The following DUSP4 variants were observed in gnomAD, a reference collection of about 807,000 sequenced individuals.
The protein encoded by DUSP4 is dual specificity protein phosphatase 4.
A neutral mutation model predicts 27.2 loss-of-function variants in DUSP4; 12 were observed. That is an observed-to-expected ratio of 0.44 (90% confidence interval 0.28 to 0.71). The LOEUF (loss-of-function observed/expected upper bound fraction) is 0.71, where lower values mean the gene tolerates loss of function less well. Among genes scored for constraint, DUSP4 ranks in the 30% least tolerant of loss-of-function variants. The pLI, the probability that DUSP4 is intolerant of heterozygous loss-of-function variation, is 0.14. For synonymous variants in DUSP4, 257 were observed against 245.2 expected, an observed-to-expected ratio of 1.05 and a Z score of -0.45; for missense variants, 448 against 551.3, an observed-to-expected ratio of 0.81 and a Z score of 1.88.
chr8:29,347,207 G>A (rs1817748309), intron 1 of DUSP4, among the ~76,000 whole-genome samples: 1 of 152,136 alleles, frequency 6.6e-6, no homozygotes, highest in Non-Finnish European at 1.5e-5. Flanking sequence ...AACCACATTT[G>A]CTCCACTGCA....
intron 1 of DUSP4, among the ~76,000 whole-genome samples, chr8:29,341,527 C>A (rs1004997141): frequency 6.6e-6 from 1 of 152,216 alleles, no homozygotes; most frequent in Non-Finnish European, 1.5e-5. Context: ...CCCCTCCTCT[C>A]CCTCCCTCAG....
At chr8:29,345,404 T>C (rs1422791541) in intron 1 of DUSP4, 8 of 1,613,818 alleles carry the variant, frequency 5.0e-6, no homozygotes, top group Non-Finnish European at 6.8e-6. Flanking sequence ...TGGACCTTCC[T>C]GCCAGCTGGC....
intron 1 of DUSP4, among the ~76,000 whole-genome samples, chr8:29,340,976 G>A (rs1200662972): frequency 6.6e-6 from 1 of 152,250 alleles, no homozygotes; most frequent in South Asian, 2.1e-4. Flanking sequence ...GCTGGGGTAG[G>A]GTGAGTGCTC....
chr8:29,345,448 G>T (rs756216610), intron 1 of DUSP4: 2 of 1,614,060 alleles, frequency 1.2e-6, no homozygotes, highest in Non-Finnish European at 1.7e-6. Context: ...GCTCGAACTG[G>T]TTTGCAGTCT....
chr8:29,338,141 G>C, intron 3 of DUSP4, 141 bp downstream of exon 3: 1 of 833,616 alleles, frequency 1.2e-6, no homozygotes, highest in Non-Finnish European at 1.9e-6. Flanking sequence ...CAATGTATAA[G>C]CCTTCCCAAT....
In DUSP4 at chr8:29,349,961, G is replaced by T. The variant is rs777696642; in HGVS notation, c.318C>A (p.Ile106=). ...CGCGCGGGCTGCGCTCGTCGTAGAC[G>T]ATGACCGCCGAGTAGAGGCCGGAGC... The part of the protein sequence containing the change: ...RLRSGLYSAV[I]VYDERSPRAE... The change falls in exon 1 of 4, where the codon ATC becomes ATA. Residue 106 remains isoleucine, a synonymous_variant. Coordinates refer to ENST00000240100, the MANE Select transcript of DUSP4 (RefSeq NM_001394.7). 5.0e-6 allele frequency: 8 copies of T among 1,588,522 alleles called. No homozygotes were observed. In the Admixed American group the frequency reaches 1.2e-4, roughly 24 times the overall value.
chr8:29,338,640 C>T (rs1226503080), intron 2 of DUSP4, 139 bp from the exon 3 acceptor site: 3 of 910,620 alleles, frequency 3.3e-6, no homozygotes, highest in Admixed American at 2.4e-5. Context: ...TCCCAGCCTC[C>T]CCCTGTAGCC....
At chr8:29,339,451 C>T (rs1817624002) in intron 2 of DUSP4, among the ~76,000 whole-genome samples, 1 of 152,150 alleles carries the variant, frequency 6.6e-6, no homozygotes, top group African/African-American at 2.4e-5. Context: ...TATTTCATGG[C>T]CTGCTACTTC....
chr8:29,347,897 G>C, intron 1 of DUSP4: 1 of 985,538 alleles, frequency 1.0e-6, no homozygotes, highest in Non-Finnish European at 1.2e-6. Flanking sequence ...GACTCTCAAC[G>C]GGATTCACGA....
Position 29,350,336 on chromosome 8 carries a change from C to G in DUSP4, c.-58G>C. 4 of 1,507,916 alleles carry G rather than the reference C, an allele frequency of 2.7e-6. No individual in the cohort carries two copies. The highest frequency in any genetic ancestry group is 3.5e-6 in the Non-Finnish European group (4 of 1,133,266). 93.4% of individuals were successfully genotyped at this position (1,507,916 alleles called of 1,614,324 possible). ...AGGAAGAGAAGAGAACCCGGGCCGC[C>G]TAGGCTGCAGAAAGGGGCGGGCGAG... On this transcript the variant is annotated 5_prime_UTR_variant, in exon 1 of 4. Transcript: ENST00000240100.
At position 29,334,509 on chromosome 8, in the gene DUSP4, C is replaced by T. The variant is rs773603573; in HGVS notation, c.*2517G>A. 3 of 152,184 alleles carry T rather than the reference C, an allele frequency of 2.0e-5. No homozygotes were observed. The highest frequency in any genetic ancestry group is 1.9e-4 in the East Asian group (1 of 5,202). 9.4% of individuals were successfully genotyped at this position (152,184 alleles called of 1,614,324 possible). A position where few individuals can be genotyped will look rare whatever the true frequency, so the allele number is the denominator to read the frequency against. On this transcript the variant is annotated 3_prime_UTR_variant, in exon 4 of 4. Coordinates refer to ENST00000240100, the MANE Select transcript of DUSP4 (RefSeq NM_001394.7). ...GACATTGTGATAGAAGGCTTGAATT[C>T]GGAGGAAAGATGTCGCTGGAGCTAG...
At chr8:29,340,040 C>G in intron 2 of DUSP4, 58 bp downstream of exon 2, 1 of 1,525,178 alleles carries the variant, frequency 6.6e-7, no homozygotes, top group Non-Finnish European at 8.8e-7. Context: ...AAGAAGGCAT[C>G]CACTGGCCCC....
chr8:29,349,868 G>T lies in DUSP4; in HGVS notation c.411C>A (p.Arg137=). 1 of 1,507,430 alleles carries T rather than the reference G, an allele frequency of 6.6e-7. No individual in the cohort carries two copies. Among genetic ancestry groups the T allele is most frequent in the Non-Finnish European group, 8.8e-7 (1 of 1,134,332 alleles). The allele number at this position is 1,507,430 out of a possible 1,614,324, so 93.4% of individuals were successfully genotyped here. The change falls in exon 1 of 4, where the codon CGC becomes CGA. Residue 137 remains arginine (R), a synonymous_variant. Transcript: ENST00000240100. ...TACCTTTGAGCAGGCAGATGTCGGT[G>T]CGCTCGGCGTTGCGGCGCAGCGCCT... is the stretch of plus-strand genomic sequence containing the variant. ...VVQALRRNAE[R]TDICLLKGGY... is the part of the protein sequence containing the mutation.
Position 29,350,536 on chromosome 8 carries a change from G to C in DUSP4, c.-258C>G. On this transcript the variant is annotated 5_prime_UTR_variant, in exon 1 of 4. Coordinates refer to ENST00000240100, the MANE Select transcript of DUSP4 (RefSeq NM_001394.7). ...CAGAGCGGAGGGGGAGGCGCCGGTG[G>C]AGGAGAGTGTGTTTACGAGAGAGGA... The C allele has an allele frequency of 1.9e-6, 1 of 517,564 alleles. No individual in the cohort carries two copies. The highest frequency in any genetic ancestry group is 3.4e-6 in the Non-Finnish European group (1 of 296,076). 32.1% of individuals were successfully genotyped at this position (517,564 alleles called of 1,614,324 possible).
chr8:29,337,206 C>G lies in DUSP4; in HGVS notation c.1005G>C (p.Leu335=). ...CAGCCTCCGCAGCACAGGACGTGGC[C>G]AGCACCTGGGACTCGAACTGCAGCA... ...GQLLQFESQV[L]ATSCAAEAAS... The change falls in exon 4 of 4, where the codon CTG becomes CTC. Residue 335 remains leucine (L), a synonymous_variant. Coordinates refer to ENST00000240100, the MANE Select transcript of DUSP4 (RefSeq NM_001394.7). The surrounding 1 kb of genome is among the most constrained non-coding windows in gnomAD (Gnocchi z 6.4). 1 of 1,613,626 alleles carries G rather than the reference C, an allele frequency of 6.2e-7. No homozygotes were observed. Among genetic ancestry groups the G allele is most frequent in the South Asian group, 1.1e-5 (1 of 91,070 alleles).
intron 1 of DUSP4, among the ~76,000 whole-genome samples, chr8:29,347,290 T>TC (rs1817749904): frequency 6.6e-6 from 1 of 152,136 alleles, no homozygotes. Context: ...CCCAGCCCCT[T>TC]CCCGCAGAGC....
Position 29,350,118 on chromosome 8 carries a change from A to G in DUSP4, c.161T>C (p.Leu54Pro). 6.2e-7 allele frequency: 1 copy of G among 1,609,408 alleles called. No homozygotes were observed. The highest frequency in any genetic ancestry group is 8.5e-7 in the Non-Finnish European group (1 of 1,179,206). ...KCLLLDCRPFLAHSAGYILGS... is the reference protein window; with the variant it reads ...KCLLLDCRPFPAHSAGYILGS... Reference sequence around the variant, plus strand: ...TAGGATGTAGCCCGCGCTGTGCGCCAGGAACGGTCTGCAGTCCAGCAGCAG... The same window carrying G: ...TAGGATGTAGCCCGCGCTGTGCGCCGGGAACGGTCTGCAGTCCAGCAGCAG... Residue 54 changes from leucine to proline, a missense_variant, in exon 1 of 4, where the codon CTG (leucine) becomes CCG (proline). Around this residue, in one of 3 missense-constraint regions of DUSP4, gnomAD observed 345 missense variants for 394.0 expected, o/e 0.88. Transcript: ENST00000240100.
In DUSP4 at chr8:29,340,188, G is replaced by T. The variant is rs762143786; in HGVS notation, c.489C>A (p.Ala163=). The T allele has an allele frequency of 9.3e-6, 15 of 1,613,510 alleles. No homozygotes were observed. In the East Asian group the frequency reaches 3.1e-4, roughly 34 times the overall value. The change falls in exon 2 of 4, where the codon GCC becomes GCA. Residue 163 remains alanine, a synonymous_variant. Coordinates refer to ENST00000240100, the MANE Select transcript of DUSP4 (RefSeq NM_001394.7). ...EYPEFCSKTK[A]LAAIPPPVPP... ...GAACCGGGGGTGGGATGGCTGCCAG[G>T]GCCTTGGTTTTAGAACAGAATTCTG...
At chr8:29,348,911 C>T in intron 1 of DUSP4, 1 of 422,882 alleles carries the variant, frequency 2.4e-6, no homozygotes, top group Non-Finnish European at 3.2e-6. Flanking sequence ...ACCCCACGCG[C>T]CCTGCCCGCT....
Sources: gnomAD v4.1 joint callset for allele counts (sites outside exome capture counted in the v4.1 genomes callset) on GRCh38, gnomAD v4.1.1 for gene constraint, gnomAD v4.1.1 regional missense constraint, Gnocchi (gnomAD v3.1) non-coding constraint, MANE v1.5 for transcripts, NCBI Gene and HGNC (gene_info 2026-07-23, HGNC 2026-07-21) for gene names.